TAFA1: variants seen among roughly 807,000 people sequenced by gnomAD.
TAFA1 encodes the protein chemokine-like protein TAFA-1.
In TAFA1, 4 loss-of-function variants were observed where a neutral mutation model predicts 18.5. The ratio of observed to expected loss-of-function variants is 0.22; its 90% CI spans 0.11 to 0.49. TAFA1 has a LOEUF of 0.49. Among genes scored for constraint, TAFA1 ranks in the 20% least tolerant of loss-of-function variants. The pLI, the probability that TAFA1 is intolerant of heterozygous loss-of-function variation, is 0.98. For synonymous variants in TAFA1, 56 were observed against 55.2 expected (o/e 1.01, Z -0.06); for missense variants, 147 against 169.0 (o/e 0.87, Z 0.72).
chr3:68,125,438 G>A (rs926569761), intron 2 of TAFA1, among the ~76,000 whole-genome samples: 1 of 152,190 alleles, frequency 6.6e-6, no homozygotes, highest in Non-Finnish European at 1.5e-5. Flanking sequence ...TCTTCAAAAA[G>A]CGAAAGTGAA....
intron 2 of TAFA1, among the ~76,000 whole-genome samples, chr3:68,051,466 A>G (rs1266841052): frequency 2.0e-5 from 3 of 152,110 alleles, no homozygotes; most frequent in Non-Finnish European, 4.4e-5. Context: ...AAAGTCTAGG[A>G]GGTTCTTTGG....
chr3:68,523,032 T>C (rs1447411930), intron 3 of TAFA1, among the ~76,000 whole-genome samples: 3 of 152,140 alleles, frequency 2.0e-5, no homozygotes, highest in East Asian at 1.9e-4. Flanking sequence ...GCTGAGATCA[T>C]GCCATTGCAC....
chr3:68,474,052 C>A (rs914046046), intron 3 of TAFA1, among the ~76,000 whole-genome samples: 2 of 77,410 alleles, frequency 2.6e-5, no homozygotes, highest in Admixed American at 1.4e-4. Flanking sequence ...ATGTATCACC[C>A]CCCCCCCCAA....
rs183004749 is a variant in TAFA1, at chr3:68,157,980, T to G, written c.118+151236T>G. Among the ~76,000 whole-genome samples, 10 of 152,316 alleles carry G rather than the reference T, an allele frequency of 6.6e-5. No individual in the cohort carries two copies. In the East Asian group the frequency reaches 1.9e-3, roughly 29 times the overall value. On this transcript the variant is annotated intron_variant, in intron 2 of 4. Transcript: ENST00000478136. ...CTTTACTCTCAATCTATTCCCTCAG[T>G]CTTGGATTTAACAAGTTCCAGAGAT...
At chr3:68,422,893 T>G (rs2070982990) in intron 3 of TAFA1, among the ~76,000 whole-genome samples, 1 of 152,008 alleles carries the variant, frequency 6.6e-6, no homozygotes, top group East Asian at 1.9e-4. Context: ...CTCAATATCT[T>G]TAGTTGAGAA....
chr3:68,443,497 C>CA lies in TAFA1; in HGVS notation c.259+26086dup, dbSNP rs1229988998. On this transcript the variant is annotated intron_variant, in intron 3 of 4. Coordinates refer to ENST00000478136, the MANE Select transcript of TAFA1 (RefSeq NM_213609.4). ...ACAAAAAAAAAAAAAAAAAAAAAAA[C>CA]AAAAAAAAAGAGGTTTGTTGGACTT... 1.6e-4 allele frequency among the ~76,000 whole-genome samples: 20 copies of CA among 122,906 alleles called. 1 individual carries two copies. The highest frequency in any genetic ancestry group is 1.1e-3 in the Admixed American group (14 of 12,574). 80.6% of individuals were successfully genotyped at this position (122,906 alleles called of 152,430 possible).
At chr3:68,534,454 T>C (rs1452270233) in intron 3 of TAFA1, among the ~76,000 whole-genome samples, 1 of 152,232 alleles carries the variant, frequency 6.6e-6, no homozygotes, top group East Asian at 1.9e-4. Context: ...CTTTTTTTCC[T>C]GTTAATGTTT....
In TAFA1 at chr3:68,388,560, G is replaced by T. The variant is rs966404947; in HGVS notation, c.119-28720G>T. 1.2e-4 allele frequency among the ~76,000 whole-genome samples: 16 copies of T among 136,594 alleles called. 1 individual carries two copies. The highest frequency in any genetic ancestry group is 5.0e-4 in the African/African-American group (14 of 27,726). 89.6% of individuals were successfully genotyped at this position (136,594 alleles called of 152,430 possible). A position where few individuals can be genotyped will look rare whatever the true frequency, so the allele number is the denominator to read the frequency against. ...TTCAGCTCATTTTGCCACCTATGAC[G>T]TTTTTTTTATCTAACCACCAGCATC... On this transcript the variant is annotated intron_variant, in intron 2 of 4. Transcript: ENST00000478136.
At chr3:68,273,383 T>C (rs2067715327) in intron 2 of TAFA1, among the ~76,000 whole-genome samples, 1 of 152,200 alleles carries the variant, frequency 6.6e-6, no homozygotes, top group Non-Finnish European at 1.5e-5. Flanking sequence ...TTGTCAGAGC[T>C]TGCATTGTCC....
At position 68,341,542 on chromosome 3, in the gene TAFA1, G is replaced by A. The variant is rs188680140; in HGVS notation, c.119-75738G>A. 6.8e-3 allele frequency among the ~76,000 whole-genome samples: 1,031 copies of A among 152,296 alleles called. 10 individuals are homozygous for A. The highest frequency in any genetic ancestry group is 0.024 in the African/African-American group (991 of 41,572). ...TTCTAATTTTGTAGTTAATTTGTTA[G>A]TCGTACAAAGGCAGACTGGTCCCCA... On this transcript the variant is annotated intron_variant, in intron 2 of 4. Transcript: ENST00000478136.
chr3:68,018,728 A>C (rs1057082763), intron 2 of TAFA1, among the ~76,000 whole-genome samples: 1 of 152,238 alleles, frequency 6.6e-6, no homozygotes, highest in Non-Finnish European at 1.5e-5. Context: ...GTTAAACCTC[A>C]CAATATCCTC....
At chr3:68,065,170 A>G (rs946984983) in intron 2 of TAFA1, among the ~76,000 whole-genome samples, 1 of 152,188 alleles carries the variant, frequency 6.6e-6, no homozygotes, top group African/African-American at 2.4e-5. Context: ...ACAGAGAGCG[A>G]CTAACTATGA....
intron 2 of TAFA1, among the ~76,000 whole-genome samples, chr3:68,067,647 C>T (rs2064697052): frequency 6.6e-6 from 1 of 152,146 alleles, no homozygotes; most frequent in Non-Finnish European, 1.5e-5. Context: ...AATTTGCATC[C>T]ATTTTAACTG....
At chr3:68,211,637 A>G (rs1352687249) in intron 2 of TAFA1, among the ~76,000 whole-genome samples, 2 of 152,062 alleles carry the variant, frequency 1.3e-5, no homozygotes, top group African/African-American at 4.8e-5. Context: ...AAAGAGGTTT[A>G]TTTGGCTCAC....
At chr3:68,022,450 C>T (rs1704711302) in intron 2 of TAFA1, among the ~76,000 whole-genome samples, 1 of 151,992 alleles carries the variant, frequency 6.6e-6, no homozygotes, top group Admixed American at 6.6e-5. Context: ...AGTATCTGTC[C>T]ATCCTTCTTT....
At chr3:68,057,773 A>G (rs2064554048) in intron 2 of TAFA1, among the ~76,000 whole-genome samples, 1 of 152,186 alleles carries the variant, frequency 6.6e-6, no homozygotes, top group African/African-American at 2.4e-5. Flanking sequence ...AGAGTCAGAG[A>G]AGGAAATGTG....
intron 2 of TAFA1, among the ~76,000 whole-genome samples, chr3:68,185,759 A>G (rs1233792082): frequency 6.6e-6 from 1 of 152,020 alleles, no homozygotes; most frequent in Non-Finnish European, 1.5e-5. Context: ...AAAAAATACA[A>G]AAACTAGCCA....
chr3:68,503,832 A>T (rs529783074), intron 3 of TAFA1, among the ~76,000 whole-genome samples: 22 of 152,114 alleles, frequency 1.4e-4, no homozygotes, highest in Non-Finnish European at 2.6e-4. Context: ...GCATTCATAG[A>T]TTTATTTTTA....
chr3:68,103,218 G>A (rs77478240), intron 2 of TAFA1, among the ~76,000 whole-genome samples: 2,681 of 152,330 alleles, frequency 0.018, 79 homozygotes, highest in African/African-American at 0.06. Context: ...GGCCCTGCAA[G>A]TGTTGAGGCA....
Sources: allele counts gnomAD v4.1 joint callset (sites outside exome capture counted in the v4.1 genomes callset), GRCh38; gene constraint gnomAD v4.1.1; transcripts MANE v1.5; gene names NCBI Gene and HGNC (gene_info 2026-07-23, HGNC 2026-07-21).